LAIR2: variants seen among roughly 807,000 people sequenced by gnomAD.
LAIR2 encodes the protein leukocyte associated immunoglobulin like receptor 2.
Under a neutral mutation model 14.8 loss-of-function variants are expected in LAIR2, and 14 were observed. That is an observed-to-expected ratio of 0.95 (90% confidence interval 0.62 to 1.48). LAIR2 has a LOEUF of 1.48. Among genes scored for constraint, LAIR2 ranks in the 40% most tolerant of loss-of-function variants. LAIR2 has a pLI of 0.00. For synonymous variants in LAIR2, 75 were observed against 74.5 expected (o/e 1.01, Z -0.03); for missense variants, 172 against 180.9 (o/e 0.95, Z 0.28).
rs767923963 is a variant in LAIR2 at position 54,510,509 on chromosome 19, G to T, written c.416-17G>T. 8.2e-5 allele frequency: 132 copies of T among 1,605,084 alleles called. No individual in the cohort carries two copies. Among genetic ancestry groups the T allele is most frequent in the Admixed American group, 1.3e-4 (8 of 59,950 alleles). On this transcript the variant is annotated splice_polypyrimidine_tract_variant and intron_variant, in intron 4 of 4. Transcript: ENST00000301202. ...GGATGCTCCTATTAATACTGAGGAA[G>T]TATTTTGTCCTCACAGGGACTGTGC...
At chr19:54,504,604 C>T (rs1568446967) in intron 2 of LAIR2, among the ~76,000 whole-genome samples, 1 of 151,900 alleles carries the variant, frequency 6.6e-6, no homozygotes, top group Non-Finnish European at 1.5e-5. Context: ...GTGAGATGAC[C>T]TTTTTTGTTT....
At chr19:54,504,906 G>A (rs1025421391) in intron 2 of LAIR2, among the ~76,000 whole-genome samples, 7 of 152,108 alleles carry the variant, frequency 4.6e-5, no homozygotes, top group Admixed American at 3.3e-4. Flanking sequence ...CACTGCACCC[G>A]GCCGAGATGA....
intron 1 of LAIR2, 80 bp from the exon 2 acceptor site, chr19:54,503,620 T>C: frequency 6.3e-7 from 1 of 1,585,360 alleles, no homozygotes; most frequent in Non-Finnish European, 8.7e-7. Flanking sequence ...GCCCCCCAGC[T>C]CCGTCAAGCC....
chr19:54,507,757 A>G (rs574170906), intron 2 of LAIR2, 134 bp from the exon 3 acceptor site: 4 of 804,540 alleles, frequency 5.0e-6, no homozygotes, highest in East Asian at 4.9e-5. Flanking sequence ...GGAATGTTCT[A>G]AGGTTGGGCT....
intron 4 of LAIR2, among the ~76,000 whole-genome samples, chr19:54,510,059 C>A (rs907138397): frequency 6.9e-6 from 1 of 145,620 alleles, no homozygotes; most frequent in Non-Finnish European, 1.5e-5. Flanking sequence ...TCCATCCGGA[C>A]CCCCTCAGAG....
chr19:54,510,509 G>C lies in LAIR2; in HGVS notation c.416-17G>C. 4 of 1,605,204 alleles carry C rather than the reference G, an allele frequency of 2.5e-6. No homozygotes were observed. In the South Asian group the frequency reaches 4.4e-5, roughly 18 times the overall value. The stretch of plus-strand genomic sequence containing the variant: ...GGATGCTCCTATTAATACTGAGGAA[G>C]TATTTTGTCCTCACAGGGACTGTGC... On this transcript the variant is annotated splice_polypyrimidine_tract_variant and intron_variant, in intron 4 of 4. Transcript: ENST00000301202.
intron 2 of LAIR2, among the ~76,000 whole-genome samples, chr19:54,504,119 G>A (rs1173281420): frequency 1.0e-5 from 1 of 98,128 alleles, no homozygotes; most frequent in Non-Finnish European, 2.2e-5. Flanking sequence ...ACCACCCCTG[G>A]CTAATTTTTT....
In LAIR2 at chr19:54,503,069, C is replaced by T. The variant is rs181838361; in HGVS notation, c.34+117C>T. The T allele has an allele frequency of 4.0e-5, 37 of 933,940 alleles. No homozygotes were observed. The South Asian group carries it at 4.1e-4, about 10-fold the overall frequency. The allele number at this position is 933,940 out of a possible 1,614,324, so 57.9% of individuals were successfully genotyped here. On this transcript the variant is annotated intron_variant, in intron 1 of 4. Coordinates refer to ENST00000301202, the MANE Select transcript of LAIR2 (RefSeq NM_002288.6). ...TGGGGAGGAAAGTGTCCTCCTCCCC[C>T]CAAGACTGCCCTACTGCTCTCCCTG...
In LAIR2 at chr19:54,503,722, C is replaced by G; in HGVS notation, c.57C>G (p.Ile19Met). The G allele has an allele frequency of 6.2e-7, 1 of 1,614,040 alleles. No individual in the cohort carries two copies. Among genetic ancestry groups the G allele is most frequent in the Non-Finnish European group, 8.5e-7 (1 of 1,179,992 alleles). ...CAGTGCTCTGCCTGGCCCAGACCAT[C>G]CACACGCAGGAGGGTAAGTCATGCC... ...LGLVLCLAQTIHTQEGALPRP... is the reference protein window; with the variant it reads ...LGLVLCLAQTMHTQEGALPRP... The change falls in exon 2 of 5, where the codon ATC (isoleucine) becomes ATG (methionine). Residue 19 changes from isoleucine (I) to methionine (M), a missense_variant. Coordinates refer to ENST00000301202, the MANE Select transcript of LAIR2 (RefSeq NM_002288.6).
chr19:54,507,759 G>C (rs2123398687), intron 2 of LAIR2, 132 bp from the exon 3 acceptor site: 1 of 817,864 alleles, frequency 1.2e-6, no homozygotes, highest in East Asian at 2.4e-5. Context: ...AATGTTCTAA[G>C]GTTGGGCTGT....
Position 54,508,193 on chromosome 19 carries a change from G to A in LAIR2, c.364+9G>A, listed in dbSNP as rs376612979. 9.8e-5 allele frequency: 158 copies of A among 1,604,428 alleles called. No homozygotes were observed. The highest frequency in any genetic ancestry group is 1.3e-4 in the Non-Finnish European group (150 of 1,175,188). ...GGAGCTGCTGGTGAAAGGTGAGGAC[G>A]TCACCTGGGCCCTGCCCCAGTCTCA... On this transcript the variant is annotated intron_variant, in intron 3 of 4. Transcript: ENST00000301202.
At position 54,509,802 on chromosome 19, in the gene LAIR2, G is replaced by T. The variant is rs538985085; in HGVS notation, c.415+717G>T. 1.2e-3 allele frequency among the ~76,000 whole-genome samples: 180 copies of T among 151,794 alleles called. 2 individuals are homozygous for T. The highest frequency in any genetic ancestry group is 2.2e-3 in the Non-Finnish European group (150 of 67,768). On this transcript the variant is annotated intron_variant, in intron 4 of 4. Transcript: ENST00000301202. ...TGCCCCTGGACTCTGTGTGATGGGA[G>T]TGAAGCTGCCCCAAGTCCCTGGGTC...
At position 54,502,936 on chromosome 19, in the gene LAIR2, T is replaced by C. The variant is rs149164329; in HGVS notation, c.18T>C (p.Thr6=). 1.3e-4 allele frequency: 215 copies of C among 1,614,010 alleles called. No individual in the cohort carries two copies. The highest frequency in any genetic ancestry group is 6.6e-4 in the Middle Eastern group (4 of 6,058). ...CCGGGGCCATGTCTCCACACCTCAC[T>C]GCTCTCCTGGGCCTAGGTGAGTCCT... MSPHL[T]ALLGLVLCLA... is the part of the protein sequence containing the mutation. The change falls in exon 1 of 5, where the codon ACT becomes ACC. Residue 6 remains threonine (T), a synonymous_variant. Coordinates refer to ENST00000301202, the MANE Select transcript of LAIR2 (RefSeq NM_002288.6).
Position 54,508,123 on chromosome 19 carries a change from C to T in LAIR2, c.303C>T (p.Cys101=). ...VSEGNAGLYR[C]LYYKPPGWSE... The stretch of plus-strand genomic sequence containing the variant: ...AAGGAAATGCCGGGCTTTATCGCTG[C>T]CTCTATTATAAGCCCCCTGGATGGT... The change falls in exon 3 of 5, where the codon TGC becomes TGT. Residue 101 remains cysteine (C), a synonymous_variant. Transcript: ENST00000301202. 2 of 1,614,186 alleles carry T rather than the reference C, an allele frequency of 1.2e-6. No individual in the cohort carries two copies. Among genetic ancestry groups the T allele is most frequent in the Non-Finnish European group, 1.7e-6 (2 of 1,180,032 alleles).
intron 1 of LAIR2, among the ~76,000 whole-genome samples, chr19:54,503,466 A>AACT (rs61216196): frequency 6.6e-6 from 1 of 150,942 alleles, no homozygotes; most frequent in Non-Finnish European, 1.5e-5. Flanking sequence ...CTCCAACAAC[A>AACT]CCAAAAAGAA....
chr19:54,510,604 A>C lies in LAIR2; in HGVS notation c.*35A>C. Reference sequence around the variant, plus strand: ...AATGGCCTCCCGTCTTGTGAACTTCAATGGGGAGAAATAATTAGAATGAGC... The same window carrying C: ...AATGGCCTCCCGTCTTGTGAACTTCCATGGGGAGAAATAATTAGAATGAGC... On this transcript the variant is annotated 3_prime_UTR_variant, in exon 5 of 5. Transcript: ENST00000301202. 1 of 1,610,500 alleles carries C rather than the reference A, an allele frequency of 6.2e-7. No homozygotes were observed. Among genetic ancestry groups the C allele is most frequent in the Non-Finnish European group, 8.5e-7 (1 of 1,176,654 alleles).
In LAIR2 at chr19:54,508,121, T is replaced by A; in HGVS notation, c.301T>A (p.Cys101Ser). The change falls in exon 3 of 5, where the codon TGC becomes AGC. Residue 101 changes from cysteine (C) to serine (S), a missense_variant. Cys to Ser is a moderately radical substitution (Grantham distance 112). Transcript: ENST00000301202. ...VSEGNAGLYRCLYYKPPGWSE... is the reference protein window; with the variant it reads ...VSEGNAGLYRSLYYKPPGWSE... Reference sequence around the variant, plus strand: ...TGAAGGAAATGCCGGGCTTTATCGCTGCCTCTATTATAAGCCCCCTGGATG... The same window carrying A: ...TGAAGGAAATGCCGGGCTTTATCGCAGCCTCTATTATAAGCCCCCTGGATG... 1.2e-6 allele frequency: 2 copies of A among 1,614,212 alleles called. No individual in the cohort carries two copies. The highest frequency in any genetic ancestry group is 1.7e-6 in the Non-Finnish European group (2 of 1,180,042).
chr19:54,503,902 C>G (rs770727823), intron 2 of LAIR2, among the ~76,000 whole-genome samples, 167 bp downstream of exon 2: 5 of 152,110 alleles, frequency 3.3e-5, no homozygotes, highest in Non-Finnish European at 7.4e-5. Context: ...CCCTTTCTCT[C>G]CTTCATTCTC....
chr19:54,506,327 T>C (rs943291866), intron 2 of LAIR2, among the ~76,000 whole-genome samples: 1 of 152,184 alleles, frequency 6.6e-6, no homozygotes, highest in African/African-American at 2.4e-5. Flanking sequence ...TGTCCAATAA[T>C]GTAATACATT....
Sources: allele counts gnomAD v4.1 joint callset (sites outside exome capture counted in the v4.1 genomes callset), GRCh38; gene constraint gnomAD v4.1.1; transcripts MANE v1.5; gene names NCBI Gene and HGNC (gene_info 2026-07-23, HGNC 2026-07-21).